Variants in ALOX5 observed in about 807,000 individuals in gnomAD.
The protein encoded by ALOX5 is polyunsaturated fatty acid 5-lipoxygenase.
In ALOX5, 64 loss-of-function variants were observed where a neutral mutation model predicts 87.9. The observed-to-expected ratio is 0.73, with a 90% CI of 0.60 to 0.90. The LOEUF is 0.90. Among genes scored for constraint, ALOX5 ranks in the 40% least tolerant of loss-of-function variants. The pLI is 0.00. For synonymous variants in ALOX5, 388 were observed against 355.1 expected, an observed-to-expected ratio of 1.09 and a Z score of -1.04; for missense variants, 822 against 907.5, an observed-to-expected ratio of 0.91 and a Z score of 1.21.
intron 3 of ALOX5, among the ~76,000 whole-genome samples, chr10:45,407,085 TGTC>T (rs1262905609): frequency 6.6e-6 from 1 of 152,230 alleles, no homozygotes; most frequent in East Asian, 1.9e-4. Context: ...AGTCTGTGCT[TGTC>T]GTCCTGTCCC....
At chr10:45,391,258 GT>G (rs1266226734) in intron 2 of ALOX5, among the ~76,000 whole-genome samples, 1 of 151,996 alleles carries the variant, frequency 6.6e-6, no homozygotes, top group Non-Finnish European at 1.5e-5. Context: ...ACGCCTGACT[GT>G]TTTTCATATT....
At chr10:45,384,297 A>C (rs902722399) in intron 2 of ALOX5, among the ~76,000 whole-genome samples, 1 of 152,302 alleles carries the variant, frequency 6.6e-6, no homozygotes, top group Admixed American at 6.5e-5. Context: ...TCTCATTCCA[A>C]TCACTTTCAG....
At chr10:45,409,531 C>CTCTCTG (rs1285318747) in intron 3 of ALOX5, among the ~76,000 whole-genome samples, 1 of 149,166 alleles carries the variant, frequency 6.7e-6, no homozygotes, top group South Asian at 2.1e-4. Flanking sequence ...CTCTCTCTCT[C>CTCTCTG]TCTGTCTCTC....
At chr10:45,437,060 A>G (rs1842081899) in intron 7 of ALOX5, among the ~76,000 whole-genome samples, 1 of 152,192 alleles carries the variant, frequency 6.6e-6, no homozygotes, top group South Asian at 2.1e-4. Flanking sequence ...TAGAAATGCT[A>G]CTGATTTTTA....
intron 2 of ALOX5, among the ~76,000 whole-genome samples, chr10:45,391,724 G>A (rs937943149): frequency 3.5e-4 from 53 of 151,816 alleles, no homozygotes; most frequent in African/African-American, 1.2e-3. Flanking sequence ...CATCTGAGAT[G>A]TGGGGAGCAC....
intron 2 of ALOX5, 109 bp downstream of exon 2, chr10:45,382,790 G>T: frequency 1.5e-6 from 2 of 1,313,034 alleles, no homozygotes; most frequent in African/African-American, 1.5e-5. Context: ...GCAGGGGCGG[G>T]AAGTGGGAGG....
At chr10:45,436,717 AT>A (rs1463580127) in intron 7 of ALOX5, among the ~76,000 whole-genome samples, 1 of 151,644 alleles carries the variant, frequency 6.6e-6, no homozygotes, top group Admixed American at 6.6e-5. Flanking sequence ...TTTGCCTAGG[AT>A]TGCTTTGGCT....
chr10:45,374,523 C>T, intron 1 of ALOX5, 94 bp downstream of exon 1: 25 of 1,237,880 alleles, frequency 2.0e-5, no homozygotes, highest in Non-Finnish European at 2.6e-5. Flanking sequence ...GCCGAGGGCC[C>T]GTCGGGGCGG....
At chr10:45,426,140 G>T (rs1841696417) in intron 6 of ALOX5, among the ~76,000 whole-genome samples, 1 of 152,222 alleles carries the variant, frequency 6.6e-6, no homozygotes, top group South Asian at 2.1e-4. Flanking sequence ...GGACTGAATT[G>T]CTAGATGTAG....
chr10:45,383,916 C>T (rs957943888), intron 2 of ALOX5, among the ~76,000 whole-genome samples: 23 of 152,082 alleles, frequency 1.5e-4, no homozygotes, highest in African/African-American at 5.6e-4. Flanking sequence ...TTAGAAAATG[C>T]TGGCTCTGAA....
chr10:45,428,487 G>C, intron 6 of ALOX5, 131 bp from the exon 7 acceptor site: 1 of 1,165,344 alleles, frequency 8.6e-7, no homozygotes, highest in South Asian at 1.4e-5. Flanking sequence ...GAGGAGAGAA[G>C]TACACATTCT....
chr10:45,436,985 A>G (rs921357955), intron 7 of ALOX5, among the ~76,000 whole-genome samples: 1 of 152,082 alleles, frequency 6.6e-6, no homozygotes, highest in Non-Finnish European at 1.5e-5. Context: ...ATGGGGGACT[A>G]TTGTAACTGA....
intron 3 of ALOX5, among the ~76,000 whole-genome samples, chr10:45,410,308 C>CAA (rs749010135): frequency 6.6e-6 from 1 of 152,086 alleles, no homozygotes; most frequent in Non-Finnish European, 1.5e-5. Context: ...AACAAACAAA[C>CAA]AAAAAATGTG....
At chr10:45,440,299 G>A in intron 7 of ALOX5, 131 bp from the exon 8 acceptor site, 1 of 971,550 alleles carries the variant, frequency 1.0e-6, no homozygotes, top group Non-Finnish European at 1.5e-6. Context: ...CCCCCTCCAG[G>A]CTCTTCTGAT....
chr10:45,419,177 C>G (rs1055654793), intron 4 of ALOX5, among the ~76,000 whole-genome samples: 13 of 152,234 alleles, frequency 8.5e-5, no homozygotes, highest in Admixed American at 5.2e-4. Context: ...ACTGTCAGGC[C>G]GCGCGGAGGC....
At chr10:45,423,913 C>A in intron 4 of ALOX5, 128 bp from the exon 5 acceptor site, 1 of 719,954 alleles carries the variant, frequency 1.4e-6, no homozygotes, top group Non-Finnish European at 2.4e-6. Context: ...AAAAGCCAGT[C>A]ACCTACCTCT....
At chr10:45,382,432 A>G (rs745909745) in intron 1 of ALOX5, 51 bp from the exon 2 acceptor site, 11 of 1,599,904 alleles carry the variant, frequency 6.9e-6, no homozygotes, top group African/African-American at 1.3e-5. Context: ...CACCTCCAGA[A>G]CAAAGGCTCA....
intron 3 of ALOX5, among the ~76,000 whole-genome samples, chr10:45,396,256 A>G (rs1840499152): frequency 6.6e-6 from 1 of 152,214 alleles, no homozygotes; most frequent in Non-Finnish European, 1.5e-5. Flanking sequence ...TTCTTATAAC[A>G]ATTCAATTAT....
chr10:45,416,865 G>C (rs1841309042), intron 4 of ALOX5, among the ~76,000 whole-genome samples: 1 of 151,884 alleles, frequency 6.6e-6, no homozygotes, highest in South Asian at 2.1e-4. Flanking sequence ...TGGATAGATG[G>C]GTGGATGGAT....
Sources: gnomAD v4.1 joint callset for allele counts (sites outside exome capture counted in the v4.1 genomes callset) on GRCh38, gnomAD v4.1.1 for gene constraint, MANE v1.5 for transcripts, NCBI Gene and HGNC (gene_info 2026-07-23, HGNC 2026-07-21) for gene names.